Variants in RMC1 observed in about 807,000 individuals in gnomAD.
The protein encoded by RMC1 is regulator of MON1-CCZ1, also known as regulator of MON1-CCZ1 complex.
In RMC1, 44 loss-of-function variants were observed where a neutral mutation model predicts 95.5. That is an observed-to-expected ratio of 0.46 (90% CI 0.36 to 0.59). RMC1 has a LOEUF of 0.59. Among genes scored for constraint, RMC1 ranks in the 20% least tolerant of loss-of-function variants. The pLI is 0.00. For synonymous variants in RMC1, 320 were observed against 303.6 expected (o/e 1.05, Z -0.56); for missense variants, 705 against 819.6 (o/e 0.86, Z 1.71).
At chr18:23,519,959 TTGAG>T (rs892112837) in intron 9 of RMC1, among the ~76,000 whole-genome samples, 23 of 152,304 alleles carry the variant, frequency 1.5e-4, no homozygotes, top group African/African-American at 4.8e-4. Flanking sequence ...TTAGGTCACT[TTGAG>T]TGAGCTCATC....
intron 14 of RMC1, 150 bp from the exon 15 acceptor site, chr18:23,529,029 G>A (rs967937282): frequency 3.4e-5 from 44 of 1,280,246 alleles, no homozygotes; most frequent in African/African-American, 9.1e-5. Flanking sequence ...ACAGGCATGC[G>A]CACAGGAAAA....
chr18:23,508,042 G>T lies in RMC1; in HGVS notation c.321+1G>T. 1 of 1,609,848 alleles carries T rather than the reference G, an allele frequency of 6.2e-7. No homozygotes were observed. Among genetic ancestry groups the T allele is most frequent in the South Asian group, 1.1e-5 (1 of 89,702 alleles). On this transcript the variant is annotated splice_donor_variant, in intron 4 of 19. Transcript: ENST00000269221. LOFTEE classifies it high-confidence loss of function. The stretch of plus-strand genomic sequence containing the variant: ...GCTGGAATACACACAGGAGTGCAAG[G>T]TATGACCCCAGGCCCTTTCTCAGCT...
At chr18:23,520,442 T>C in intron 10 of RMC1, 129 bp downstream of exon 10, 1 of 769,628 alleles carries the variant, frequency 1.3e-6, no homozygotes, top group Non-Finnish European at 2.1e-6. Context: ...CTGTCTGATT[T>C]TGCCAGGGGC....
rs903398385 is a variant in RMC1, at chr18:23,529,543, G to C, written c.1417-92G>C. On this transcript the variant is annotated intron_variant, in intron 15 of 19. Transcript: ENST00000269221. ...AAAGATGAACACTGGGCCATTTTAA[G>C]ATGGAAACAAGGTGGGGGTTGGATA... 25 of 1,320,966 alleles carry C rather than the reference G, an allele frequency of 1.9e-5. 1 individual carries two copies. The Admixed American group carries it at 3.9e-4, about 21-fold the overall frequency. The allele number at this position is 1,320,966 out of a possible 1,614,324, so 81.8% of individuals were successfully genotyped here.
At chr18:23,527,405 AAAT>A (rs369275891) in intron 13 of RMC1, among the ~76,000 whole-genome samples, 64 of 151,762 alleles carry the variant, frequency 4.2e-4, no homozygotes, top group South Asian at 3.7e-3. Flanking sequence ...ATCCAAAAAA[AAAT>A]AATAATAATA....
At chr18:23,525,529 AT>A (rs202154080) in intron 12 of RMC1, among the ~76,000 whole-genome samples, 1,760 of 152,084 alleles carry the variant, frequency 0.012, 36 homozygotes, top group African/African-American at 0.041. Context: ...GGTTTAAGCG[AT>A]TCTCCTGCCT....
chr18:23,526,854 T>G, intron 13 of RMC1, 89 bp downstream of exon 13: 2 of 1,506,002 alleles, frequency 1.3e-6, no homozygotes, highest in South Asian at 2.6e-5. Context: ...TACATTGTTG[T>G]GTCTTGTCTG....
chr18:23,531,684 A>T lies in RMC1; in HGVS notation c.1954A>T (p.Met652Leu), dbSNP rs751618341. Residue 652 changes from methionine (M) to leucine (L), a missense_variant, in exon 20 of 20, where the codon ATG (methionine) becomes TTG (leucine). Physicochemically the swap from Met to Leu is conservative, Grantham distance 15. Coordinates refer to ENST00000269221, the MANE Select transcript of RMC1 (RefSeq NM_013326.5). ...FKQIFGDQALMRPTTF is the reference protein window; with the variant it reads ...FKQIFGDQALLRPTTF ...ACAGATTTTTGGAGACCAAGCTCTA[A>T]TGAGGCCTACAACATTCTGAAATCA... The T allele has an allele frequency of 1.9e-6, 3 of 1,613,244 alleles. No individual in the cohort carries two copies. In the South Asian group the frequency reaches 3.3e-5, roughly 18 times the overall value.
chr18:23,522,825 G>GT (rs1232683800), intron 10 of RMC1: 3 of 152,360 alleles, frequency 2.0e-5, no homozygotes, highest in Non-Finnish European at 2.9e-5. Flanking sequence ...CTGCTGGGCT[G>GT]TGAGCCCTGG....
intron 15 of RMC1, 37 bp from the exon 16 acceptor site, chr18:23,529,598 C>G (rs369142299): frequency 6.4e-7 from 1 of 1,554,032 alleles, no homozygotes; most frequent in Non-Finnish European, 8.9e-7. Flanking sequence ...TTTTGCACCT[C>G]GTTGGTATTT....
intron 5 of RMC1, among the ~76,000 whole-genome samples, chr18:23,514,903 C>T (rs2057959760): frequency 6.6e-6 from 1 of 152,184 alleles, no homozygotes; most frequent in South Asian, 2.1e-4. Context: ...GCATTAATGT[C>T]TTGGGGGCTC....
At chr18:23,507,092 T>C (rs2057734330) in intron 3 of RMC1, 38 bp downstream of exon 3, 2 of 1,376,498 alleles carry the variant, frequency 1.5e-6, no homozygotes, top group African/African-American at 1.5e-5. Context: ...TAAAGGGCAT[T>C]AGAAATACAT....
intron 13 of RMC1, 150 bp downstream of exon 13, chr18:23,526,915 G>A (rs1314366407): frequency 9.8e-7 from 1 of 1,016,214 alleles, no homozygotes; most frequent in Admixed American, 2.6e-5. Flanking sequence ...GACCCCCTAG[G>A]AAAGGCTGCT....
intron 11 of RMC1, 77 bp downstream of exon 11, chr18:23,524,251 T>A: frequency 6.4e-7 from 1 of 1,568,492 alleles, no homozygotes; most frequent in Non-Finnish European, 8.8e-7. Flanking sequence ...GAAGTCCTCC[T>A]CCGGGCAGCT....
chr18:23,515,652 C>A (rs1416013603), intron 5 of RMC1, among the ~76,000 whole-genome samples: 8 of 152,138 alleles, frequency 5.3e-5, no homozygotes, highest in Non-Finnish European at 1.5e-5. Context: ...TGTGCCTCAG[C>A]CTTCTGAGTA....
chr18:23,524,556 C>G, intron 12 of RMC1, 74 bp downstream of exon 12: 9 of 1,494,496 alleles, frequency 6.0e-6, no homozygotes, highest in Non-Finnish European at 8.4e-6. Flanking sequence ...TAGCCAGGGA[C>G]GTTTTCAAGG....
chr18:23,524,185 C>T lies in RMC1; in HGVS notation c.1006+11C>T, dbSNP rs1331615278. On this transcript the variant is annotated intron_variant, in intron 11 of 19. Transcript: ENST00000269221. ...TTCCATGTAAACTCTGTATCCTTTA[C>T]TAAGGTGTGGCACCGTGCACAACAG... 6.2e-7 allele frequency: 1 copy of T among 1,613,206 alleles called. No homozygotes were observed. The highest frequency in any genetic ancestry group is 2.2e-5 in the East Asian group (1 of 44,898).
intron 19 of RMC1, 89 bp from the exon 20 acceptor site, chr18:23,531,526 AAAAATAAGTT>A: frequency 6.6e-7 from 1 of 1,522,044 alleles, no homozygotes; most frequent in South Asian, 1.3e-5. Flanking sequence ...TTTATTAAAG[AAAAATAAGTT>A]AAAACCCAGT....
chr18:23,526,654 C>T lies in RMC1; in HGVS notation c.1078C>T (p.Gln360Ter). 1 of 1,614,056 alleles carries T rather than the reference C, an allele frequency of 6.2e-7. No homozygotes were observed. Among genetic ancestry groups the T allele is most frequent in the Non-Finnish European group, 8.5e-7 (1 of 1,179,984 alleles). ...SASQGYLWNLQVKLEPIVNLL... is the reference protein window; with the variant it reads ...SASQGYLWNL ...AAATCCAGGTTACCTCTGGAACCTC[C>T]AAGTGAAACTTGAGCCCATAGTAAA... Residue 360 changes from glutamine (Q) to a stop codon, truncating the protein, a stop_gained, in exon 13 of 20, where the codon CAA becomes TAA. Coordinates refer to ENST00000269221, the MANE Select transcript of RMC1 (RefSeq NM_013326.5). LOFTEE classifies it high-confidence loss of function.
Sources: gnomAD v4.1 joint callset for allele counts (sites outside exome capture counted in the v4.1 genomes callset) on GRCh38, gnomAD v4.1.1 for gene constraint, MANE v1.5 for transcripts, NCBI Gene and HGNC (gene_info 2026-07-23, HGNC 2026-07-21) for gene names.